Variants in LHFPL3 observed in about 807,000 individuals in gnomAD.
LHFPL3 encodes the protein LHFPL tetraspan subfamily member 3 protein.
In LHFPL3, 5 loss-of-function variants were observed where a neutral mutation model predicts 19.3. The ratio of observed to expected loss-of-function variants is 0.26; its 90% CI spans 0.14 to 0.54. The LOEUF (loss-of-function observed/expected upper bound fraction) is 0.54, where lower values mean the gene tolerates loss of function less well. Ranked by LOEUF, LHFPL3 falls within the 20% of genes least tolerant of loss-of-function variation. LHFPL3 has a pLI of 0.94. For missense variants in LHFPL3, 249 were observed against 307.4 expected (o/e 0.81, Z 1.42); for synonymous variants, 133 against 126.2 (o/e 1.05, Z -0.36).
intron 1 of LHFPL3, among the ~76,000 whole-genome samples, chr7:104,444,923 G>T (rs544285309): frequency 1.3e-5 from 2 of 152,112 alleles, no homozygotes; most frequent in Non-Finnish European, 2.9e-5. Context: ...GGGAGGTGGA[G>T]GTTGCGGTGA....
intron 1 of LHFPL3, among the ~76,000 whole-genome samples, chr7:104,401,384 A>C (rs901506652): frequency 7.2e-5 from 11 of 152,230 alleles, no homozygotes; most frequent in Non-Finnish European, 2.9e-5. Flanking sequence ...TTTTTAAAAA[A>C]GTATTTAGCA....
At chr7:104,750,354 T>C (rs1222670387) in intron 2 of LHFPL3, among the ~76,000 whole-genome samples, 1 of 152,216 alleles carries the variant, frequency 6.6e-6, no homozygotes, top group Admixed American at 6.5e-5. Flanking sequence ...ATGCAGCCTT[T>C]CCTGTCGGAT....
chr7:104,417,872 CTTCTTCTTCTTCT>C, intron 1 of LHFPL3, among the ~76,000 whole-genome samples: 1 of 126,384 alleles, frequency 7.9e-6, no homozygotes, highest in East Asian at 2.9e-4. Flanking sequence ...TCTTCTTCTT[CTTCTTCTTCTTCT>C]TTTTTTTTTT....
intron 1 of LHFPL3, among the ~76,000 whole-genome samples, chr7:104,595,459 T>C (rs1312213991): frequency 6.6e-6 from 1 of 152,218 alleles, no homozygotes; most frequent in African/African-American, 2.4e-5. Context: ...CAGCTGCCTA[T>C]ATGAGATGTC....
chr7:104,692,980 A>C (rs975644808), intron 1 of LHFPL3, among the ~76,000 whole-genome samples: 4 of 152,202 alleles, frequency 2.6e-5, no homozygotes, highest in South Asian at 2.1e-4. Flanking sequence ...AGTAGCCAGG[A>C]TGAGGGCTGT....
chr7:104,866,563 C>A (rs1241416200), intron 2 of LHFPL3, among the ~76,000 whole-genome samples: 1 of 152,170 alleles, frequency 6.6e-6, no homozygotes, highest in African/African-American at 2.4e-5. Context: ...CAGGAGCACC[C>A]AGATTCATAA....
chr7:104,556,305 T>A (rs1584398737), intron 1 of LHFPL3, among the ~76,000 whole-genome samples: 1 of 152,158 alleles, frequency 6.6e-6, no homozygotes, highest in African/African-American at 2.4e-5. Context: ...GTCCCCCCCC[T>A]GCAGCAAACT....
chr7:104,353,170 A>G (rs372959223), intron 1 of LHFPL3, among the ~76,000 whole-genome samples: 4 of 152,240 alleles, frequency 2.6e-5, no homozygotes, highest in Non-Finnish European at 5.9e-5. Flanking sequence ...ATGAACAACA[A>G]CAACAAAAAA....
At chr7:104,899,629 T>C (rs1792443961) in intron 2 of LHFPL3, among the ~76,000 whole-genome samples, 3 of 152,212 alleles carry the variant, frequency 2.0e-5, no homozygotes, top group African/African-American at 7.2e-5. Context: ...GAATTTATTA[T>C]TTTGAAAAGC....
At chr7:104,535,446 G>A (rs17138381) in intron 1 of LHFPL3, among the ~76,000 whole-genome samples, 3,341 of 152,176 alleles carry the variant, frequency 0.022, 102 homozygotes, top group African/African-American at 0.076. Context: ...ATAGGAGCTG[G>A]AAAAATATTC....
chr7:104,520,091 G>A (rs1794022772), intron 1 of LHFPL3, among the ~76,000 whole-genome samples: 1 of 151,720 alleles, frequency 6.6e-6, no homozygotes, highest in Non-Finnish European at 1.5e-5. Context: ...GTTTGTCATA[G>A]ATAGCTCTTA....
At chr7:104,791,354 A>G (rs573734499) in intron 2 of LHFPL3, among the ~76,000 whole-genome samples, 1 of 152,380 alleles carries the variant, frequency 6.6e-6, no homozygotes, top group East Asian at 1.9e-4. Flanking sequence ...GAGTTTAATT[A>G]ATCATGGAGT....
chr7:104,860,713 G>A (rs1791601586), intron 2 of LHFPL3, among the ~76,000 whole-genome samples: 1 of 152,192 alleles, frequency 6.6e-6, no homozygotes, highest in Non-Finnish European at 1.5e-5. Context: ...CTCCTAGAAT[G>A]TAAAGTGTTT....
intron 2 of LHFPL3, among the ~76,000 whole-genome samples, chr7:104,821,759 GA>G (rs1405011708): frequency 1.3e-5 from 2 of 152,142 alleles, no homozygotes; most frequent in African/African-American, 2.4e-5. Context: ...TCTAGACTTG[GA>G]AAAACAGGAG....
At chr7:104,740,895 T>C (rs1437130415) in intron 2 of LHFPL3, among the ~76,000 whole-genome samples, 1 of 152,194 alleles carries the variant, frequency 6.6e-6, no homozygotes, top group Non-Finnish European at 1.5e-5. Context: ...CTTAGATCCA[T>C]GAATGCTTCC....
At chr7:104,334,372 C>G (rs1801622151) in intron 1 of LHFPL3, among the ~76,000 whole-genome samples, 2 of 152,118 alleles carry the variant, frequency 1.3e-5, no homozygotes, top group South Asian at 2.1e-4. Context: ...CATGGTGAAA[C>G]CTTGTCTCTA....
At chr7:104,832,383 G>T (rs1188961452) in intron 2 of LHFPL3, among the ~76,000 whole-genome samples, 1 of 151,838 alleles carries the variant, frequency 6.6e-6, no homozygotes, top group African/African-American at 2.4e-5. Flanking sequence ...TTATTTATAC[G>T]GTTTGAGTGT....
At chr7:104,614,272 A>C (rs1791265823) in intron 1 of LHFPL3, among the ~76,000 whole-genome samples, 1 of 152,096 alleles carries the variant, frequency 6.6e-6, no homozygotes, top group African/African-American at 2.4e-5. Flanking sequence ...GAGTTATCCC[A>C]ATTATAATTA....
chr7:104,555,870 A>C (rs1386210810), intron 1 of LHFPL3, among the ~76,000 whole-genome samples: 3 of 152,228 alleles, frequency 2.0e-5, no homozygotes, highest in Non-Finnish European at 4.4e-5. Context: ...ATGGGGGTAC[A>C]GGCATTACAA....
Sources: gnomAD v4.1 joint callset for allele counts (sites outside exome capture counted in the v4.1 genomes callset) on GRCh38, gnomAD v4.1.1 for gene constraint, MANE v1.5 for transcripts, NCBI Gene and HGNC (gene_info 2026-07-23, HGNC 2026-07-21) for gene names.